The following ANO4 variants were observed in gnomAD, a reference collection of about 807,000 sequenced individuals.
ANO4 encodes the protein anoctamin-4.
ANO4 carries 69 observed loss-of-function variants against 141.9 expected under a neutral mutation model. That is an observed-to-expected ratio of 0.49 (90% CI 0.40 to 0.59). ANO4 has a LOEUF of 0.59. Ranked by LOEUF, ANO4 falls within the 20% of genes least tolerant of loss-of-function variation. The probability of loss-of-function intolerance (pLI) is 0.00; values close to 1 mark genes in which losing one functional copy is unlikely to be tolerated. For missense variants in ANO4, 894 were observed against 1,162.2 expected (o/e 0.77, Z 3.36); for synonymous variants, 350 against 394.3 (o/e 0.89, Z 1.33).
At chr12:100,975,020 T>A in intron 7 of ANO4, 131 bp downstream of exon 7, 2 of 1,036,954 alleles carry the variant, frequency 1.9e-6, no homozygotes, top group African/African-American at 1.6e-5. Context: ...ATGCACATTT[T>A]AAAATCAGCT....
At chr12:100,941,398 C>A (rs57687437) in intron 4 of ANO4, among the ~76,000 whole-genome samples, 2,871 of 152,192 alleles carry the variant, frequency 0.019, 84 homozygotes, top group African/African-American at 0.066. Flanking sequence ...TTTAGATTTA[C>A]TTTATTTTAT....
rs117531882 is a variant in ANO4 at position 100,988,024 on chromosome 12, C to G, written c.734+354C>G. Among the ~76,000 whole-genome samples, 507 of 152,298 alleles carry G rather than the reference C, an allele frequency of 3.3e-3. 18 individuals carry two copies. In the East Asian group the frequency reaches 0.089, roughly 27 times the overall value. The stretch of plus-strand genomic sequence containing the variant: ...GGCTCATCTGCATCTAGCCAGCAGA[C>G]AGGAGGAGTGGCCTACACCTTTTCC... On this transcript the variant is annotated intron_variant, in intron 8 of 27. Coordinates refer to ENST00000392977, the MANE Select transcript of ANO4 (RefSeq NM_001286615.2).
intron 24 of ANO4, among the ~76,000 whole-genome samples, chr12:101,113,593 C>A (rs767599233): frequency 6.6e-6 from 1 of 152,094 alleles, no homozygotes; most frequent in Non-Finnish European, 1.5e-5. Context: ...TATGTTTCTT[C>A]ATGAATCTTA....
At chr12:101,083,898 C>A in intron 16 of ANO4, 80 bp downstream of exon 16, 1 of 1,288,436 alleles carries the variant, frequency 7.8e-7, no homozygotes, top group Non-Finnish European at 1.0e-6. Flanking sequence ...TGGGCATTTG[C>A]ATTGTTCTAC....
intron 3 of ANO4, among the ~76,000 whole-genome samples, chr12:100,754,616 T>C (rs1385830295): frequency 1.3e-5 from 2 of 152,190 alleles, no homozygotes; most frequent in Admixed American, 6.5e-5. Context: ...TTGTAACAAA[T>C]GTTCATAGCA....
chr12:100,874,130 A>G (rs191564905), intron 1 of ANO4, among the ~76,000 whole-genome samples: 38 of 152,350 alleles, frequency 2.5e-4, no homozygotes, highest in Admixed American at 6.5e-4. Context: ...CAGAGGATGT[A>G]TGGAAATGGC....
intron 5 of ANO4, among the ~76,000 whole-genome samples, chr12:100,962,349 C>T (rs1231978380): frequency 1.3e-5 from 2 of 152,172 alleles, no homozygotes; most frequent in African/African-American, 2.4e-5. Flanking sequence ...AGTGTACAGT[C>T]TCACAAAGAC....
intron 1 of ANO4, among the ~76,000 whole-genome samples, chr12:100,848,027 A>G (rs1475864150): frequency 5.3e-5 from 8 of 152,226 alleles, no homozygotes. Flanking sequence ...AGCTAAAAGT[A>G]ATGTTAAATT....
chr12:101,029,215 C>G (rs1229980226), intron 9 of ANO4, among the ~76,000 whole-genome samples: 1 of 152,130 alleles, frequency 6.6e-6, no homozygotes, highest in Non-Finnish European at 1.5e-5. Context: ...TGGTACTAGC[C>G]ACTGCAAAAA....
At chr12:100,890,792 A>T (rs540822701) in intron 1 of ANO4, among the ~76,000 whole-genome samples, 2 of 152,304 alleles carry the variant, frequency 1.3e-5, no homozygotes, top group African/African-American at 4.8e-5. Context: ...ACATTGACAC[A>T]TCATCACCCA....
chr12:100,939,196 C>A, intron 3 of ANO4, 119 bp from the exon 4 acceptor site: 1 of 1,027,106 alleles, frequency 9.7e-7, no homozygotes, highest in Non-Finnish European at 1.4e-6. Context: ...GCTTGTCACT[C>A]AAGGAGTTAA....
chr12:100,979,921 TA>T (rs2044377793), intron 7 of ANO4, among the ~76,000 whole-genome samples: 1 of 142,608 alleles, frequency 7.0e-6, no homozygotes, highest in African/African-American at 2.6e-5. Context: ...TTTGTATTTT[TA>T]GTAGAGGCAG....
chr12:101,100,916 A>G lies in ANO4; in HGVS notation c.2149+1196A>G, dbSNP rs538550210. On this transcript the variant is annotated intron_variant, in intron 22 of 27. Transcript: ENST00000392977. ...TTTACACACAAATGTAACCAAATAT[A>G]TGTAGATGAGAGGTTGGCAAACTAT... Among the ~76,000 whole-genome samples, 5 of 152,338 alleles carry G rather than the reference A, an allele frequency of 3.3e-5. No homozygotes were observed. In the South Asian group the frequency reaches 6.2e-4, roughly 19 times the overall value.
intron 1 of ANO4, among the ~76,000 whole-genome samples, chr12:100,733,383 G>T (rs2031467035): frequency 6.6e-6 from 1 of 152,014 alleles, no homozygotes; most frequent in Non-Finnish European, 1.5e-5. Context: ...CACCTTTTAG[G>T]TTTTCATTAG....
At chr12:101,068,809 AAG>A in intron 14 of ANO4, 1 of 1,150,984 alleles carries the variant, frequency 8.7e-7, no homozygotes, top group Non-Finnish European at 1.3e-6. Flanking sequence ...AGTCATCAAA[AAG>A]TATCTATTGA....
intron 1 of ANO4, among the ~76,000 whole-genome samples, chr12:100,879,687 A>G (rs567219401): frequency 2.0e-5 from 3 of 152,326 alleles, no homozygotes; most frequent in African/African-American, 7.2e-5. Context: ...TGATAGGGAC[A>G]TGGTAGGCAT....
At chr12:101,110,930 T>C (rs770285498) in intron 23 of ANO4, among the ~76,000 whole-genome samples, 49 of 152,370 alleles carry the variant, frequency 3.2e-4, no homozygotes, top group Non-Finnish European at 6.2e-4. Context: ...TGAAGTATAA[T>C]CCAGTTTTTC....
At chr12:100,857,933 A>G (rs994636853) in intron 1 of ANO4, among the ~76,000 whole-genome samples, 1 of 152,130 alleles carries the variant, frequency 6.6e-6, no homozygotes, top group Non-Finnish European at 1.5e-5. Flanking sequence ...TTGAAATCAA[A>G]CCACTAGAAC....
chr12:100,940,720 C>A (rs1362335292), intron 4 of ANO4, among the ~76,000 whole-genome samples: 1 of 151,958 alleles, frequency 6.6e-6, no homozygotes, highest in Non-Finnish European at 1.5e-5. Flanking sequence ...GCATGTTTAC[C>A]TTCTTCATAC....
Sources: allele counts gnomAD v4.1 joint callset (sites outside exome capture counted in the v4.1 genomes callset), GRCh38; gene constraint gnomAD v4.1.1; transcripts MANE v1.5; gene names NCBI Gene and HGNC (gene_info 2026-07-23, HGNC 2026-07-21).